The following DBT variants were observed in gnomAD, a reference collection of about 807,000 sequenced individuals.
DBT encodes the protein lipoamide acyltransferase component of branched-chain alpha-keto acid dehydrogenase complex, mitochondrial.
DBT carries 40 observed loss-of-function variants against 51.3 expected under a neutral mutation model. The observed-to-expected ratio is 0.78, with a 90% CI of 0.61 to 1.02. The LOEUF (loss-of-function observed/expected upper bound fraction) is 1.02. Among genes scored for constraint, DBT ranks in the 50% least tolerant of loss-of-function variants. The probability of loss-of-function intolerance (pLI) is 0.00; values close to 1 mark genes in which losing one functional copy is unlikely to be tolerated. For synonymous variants in DBT, 181 were observed against 190.4 expected, an observed-to-expected ratio of 0.95 and a Z score of 0.41; for missense variants, 510 against 580.2, an observed-to-expected ratio of 0.88 and a Z score of 1.24.
intron 8 of DBT, 156 bp downstream of exon 8, chr1:100,210,538 C>A: frequency 9.9e-7 from 1 of 1,013,332 alleles, no homozygotes; most frequent in Non-Finnish European, 1.4e-6. Context: ...AAAACAACAA[C>A]AATGAATTAG....
intron 1 of DBT, among the ~76,000 whole-genome samples, chr1:100,247,959 G>A (rs1457609819): frequency 4.6e-5 from 7 of 151,740 alleles, no homozygotes; most frequent in African/African-American, 1.7e-4. Flanking sequence ...AAAATTAGCT[G>A]GGCATGGTGG....
At chr1:100,225,058 C>T (rs200140679) in intron 4 of DBT, among the ~76,000 whole-genome samples, 72,187 of 88,950 alleles carry the variant, frequency 0.81, 31,091 homozygotes, top group East Asian at 0.96. Flanking sequence ...TATATACACA[C>T]ACACACACAC....
At chr1:100,197,828 T>G (rs1033076143) in intron 10 of DBT, among the ~76,000 whole-genome samples, 1 of 152,122 alleles carries the variant, frequency 6.6e-6, no homozygotes, top group Non-Finnish European at 1.5e-5. Context: ...ACTTAATGAC[T>G]TAAACAATTT....
At chr1:100,247,528 G>A (rs375020331) in intron 1 of DBT, among the ~76,000 whole-genome samples, 5 of 151,742 alleles carry the variant, frequency 3.3e-5, no homozygotes, top group South Asian at 4.2e-4. Context: ...GCAAAACCCC[G>A]TCTCTACTAA....
chr1:100,218,179 A>G, intron 5 of DBT, among the ~76,000 whole-genome samples: 1 of 152,128 alleles, frequency 6.6e-6, no homozygotes, highest in East Asian at 1.9e-4. Context: ...TTTTTTACTT[A>G]GGACCATGGC....
At chr1:100,213,618 G>A in intron 7 of DBT, 2 of 1,604,954 alleles carry the variant, frequency 1.2e-6, no homozygotes, top group Non-Finnish European at 8.5e-7. Flanking sequence ...TTCATTTGCT[G>A]TTTTGCCTTG....
Position 100,206,443 on chromosome 1 carries a change from A to T in DBT, c.1209+2T>A. 1 of 1,608,336 alleles carries T rather than the reference A, an allele frequency of 6.2e-7. No homozygotes were observed. Among genetic ancestry groups the T allele is most frequent in the Non-Finnish European group, 8.5e-7 (1 of 1,174,824 alleles). On this transcript the variant is annotated splice_donor_variant, in intron 9 of 10. Transcript: ENST00000370132. LOFTEE classifies it high-confidence loss of function. ...TTTATGTATTTCAACATTATTACTC[A>T]CTGATCCAATGTTGGAAAGAGTAAA...
At chr1:100,203,333 T>C (rs1661564205) in intron 10 of DBT, among the ~76,000 whole-genome samples, 1 of 152,178 alleles carries the variant, frequency 6.6e-6, no homozygotes, top group African/African-American at 2.4e-5. Flanking sequence ...TCTTCACATA[T>C]AAACTAGAAA....
chr1:100,238,496 CTTCTT>C (rs1429429693), intron 2 of DBT, among the ~76,000 whole-genome samples: 1 of 148,008 alleles, frequency 6.8e-6, no homozygotes, highest in African/African-American at 2.5e-5. Flanking sequence ...CTTCTCTTCT[CTTCTT>C]TTCTTTTCTT....
In DBT at chr1:100,188,834, T is replaced by C. The variant is rs1291860882; in HGVS notation, c.*7421A>G. ...GTTTCTGTGGCTCTCCTCTGGACTC[T>C]CTCCAAATTCTCCTGCTCAGTTTTA... On this transcript the variant is annotated 3_prime_UTR_variant, in exon 11 of 11. Coordinates refer to ENST00000370132, the MANE Select transcript of DBT (RefSeq NM_001918.5). 1.3e-5 allele frequency: 2 copies of C among 152,376 alleles called. No individual in the cohort carries two copies. Among genetic ancestry groups the C allele is most frequent in the African/African-American group, 4.8e-5 (2 of 41,454 alleles). The allele number at this position is 152,376 out of a possible 1,614,324, so 9.4% of individuals were successfully genotyped here. A position where few individuals can be genotyped will look rare whatever the true frequency, so the allele number is the denominator to read the frequency against.
At chr1:100,212,864 T>C (rs369360660) in intron 7 of DBT, among the ~76,000 whole-genome samples, 19 of 152,118 alleles carry the variant, frequency 1.2e-4, no homozygotes, top group South Asian at 1.2e-3. Flanking sequence ...CAGAGACTTA[T>C]AACACATTTG....
At chr1:100,240,931 C>T in intron 1 of DBT, 47 bp from the exon 2 acceptor site, 2 of 1,574,592 alleles carry the variant, frequency 1.3e-6, no homozygotes, top group South Asian at 1.1e-5. Flanking sequence ...AACAACCATA[C>T]CGGCTTATCT....
chr1:100,238,050 A>G (rs1355000664), intron 2 of DBT, among the ~76,000 whole-genome samples: 1 of 152,150 alleles, frequency 6.6e-6, no homozygotes, highest in Non-Finnish European at 1.5e-5. Context: ...AATCAGTTTG[A>G]TGTGAGACTA....
chr1:100,235,858 G>A (rs1197933575), intron 2 of DBT, among the ~76,000 whole-genome samples: 1 of 152,084 alleles, frequency 6.6e-6, no homozygotes, highest in Non-Finnish European at 1.5e-5. Flanking sequence ...TACAAAGAGA[G>A]ACCCAGCTAG....
chr1:100,215,933 C>G lies in DBT; in HGVS notation c.772+50G>C, dbSNP rs1233549839. ...ACATTTATCTACTGAGGTAGCTTCC[C>G]CCAAAATAAATGAACTATTGCCTTA... is the stretch of plus-strand genomic sequence containing the variant. On this transcript the variant is annotated intron_variant, in intron 6 of 10. Transcript: ENST00000370132. The G allele has an allele frequency of 2.6e-6, 3 of 1,147,792 alleles. No homozygotes were observed. In the African/African-American group the frequency reaches 4.6e-5, roughly 17 times the overall value. The allele number at this position is 1,147,792 out of a possible 1,614,324, so 71.1% of individuals were successfully genotyped here. A position where few individuals can be genotyped will look rare whatever the true frequency, so the allele number is the denominator to read the frequency against.
rs1557947579 is a variant in DBT at position 100,213,537 on chromosome 1, G to A, written c.939+1280C>T. Reference sequence around the variant, plus strand: ...GTCGTGGGAGGCTGTCCCGTCTGCAGGGTCGGGGGGCTGCAGGACTGCTTC... The same window carrying A: ...GTCGTGGGAGGCTGTCCCGTCTGCAAGGTCGGGGGGCTGCAGGACTGCTTC... On this transcript the variant is annotated intron_variant, in intron 7 of 10. Coordinates refer to ENST00000370132, the MANE Select transcript of DBT (RefSeq NM_001918.5). The A allele has an allele frequency of 2.6e-6, 4 of 1,559,786 alleles. No homozygotes were observed. In the African/African-American group the frequency reaches 5.4e-5, roughly 21 times the overall value.
chr1:100,218,941 G>GGC (rs1431788790), intron 4 of DBT, among the ~76,000 whole-genome samples, 194 bp from the exon 5 acceptor site: 1 of 151,280 alleles, frequency 6.6e-6, no homozygotes, highest in African/African-American at 2.4e-5. Flanking sequence ...GTGGGGGGGG[G>GGC]GGTGTGTGCC....
chr1:100,213,285 G>A, intron 7 of DBT: 10 of 1,383,484 alleles, frequency 7.2e-6, no homozygotes, highest in Admixed American at 3.5e-5. Context: ...GAGCCGAGCC[G>A]GGCCGCCATG....
intron 3 of DBT, among the ~76,000 whole-genome samples, chr1:100,233,672 C>A (rs1663679830): frequency 6.6e-6 from 1 of 152,148 alleles, no homozygotes. Context: ...CACAAGAGTA[C>A]ACGGAACAAA....
Sources: gnomAD v4.1 joint callset for allele counts (sites outside exome capture counted in the v4.1 genomes callset) on GRCh38, gnomAD v4.1.1 for gene constraint, MANE v1.5 for transcripts, NCBI Gene and HGNC (gene_info 2026-07-23, HGNC 2026-07-21) for gene names.